The following ARL17A variants were observed in gnomAD, a reference collection of about 807,000 sequenced individuals.
ARL17A encodes the protein ARF like GTPase 17A, also known as ADP-ribosylation factor-like 17-like.
downstream of ARL17A, chr17:46,548,746 G>C (rs568551393): frequency 1.2e-6 from 2 of 1,610,722 alleles, no homozygotes; most frequent in African/African-American, 1.4e-5. Flanking sequence ...CGCTGCCGAA[G>C]AAAAAAGGCT....
chr17:46,502,721 TTTTTTG>T, the ARL17A span, among the ~76,000 whole-genome samples: 4 of 151,106 alleles, frequency 2.6e-5, 1 homozygote, highest in African/African-American at 7.4e-5. Context: ...CCTGTGAGGG[TTTTTTG>T]TTTTTGTTTT....
At position 46,553,233 on chromosome 17, in the gene ARL17A, GA is replaced by G. The variant is rs2056983950; in HGVS notation, c.*4122del. On this transcript the variant is annotated 3_prime_UTR_variant, in exon 4 of 4. Coordinates refer to ENST00000336125, the MANE Select transcript of ARL17A (RefSeq NM_001113738.2). The stretch of plus-strand genomic sequence containing the variant: ...CCCCCGCAAGATAGCAAGGATGACT[GA>G]ACTATGGAAGAATCAAAGCAGTGTT... The G allele has an allele frequency of 1.2e-6, 1 of 818,748 alleles. No homozygotes were observed. Among genetic ancestry groups the G allele is most frequent in the Non-Finnish European group, 1.5e-6 (1 of 689,066 alleles). The allele number at this position is 818,748 out of a possible 1,614,324, so 50.7% of individuals were successfully genotyped here. A position where few individuals can be genotyped will look rare whatever the true frequency, so the allele number is the denominator to read the frequency against.
chr17:46,539,149 T>C (rs1164550648), intron 3 of ARL17A, among the ~76,000 whole-genome samples: 5 of 68,588 alleles, frequency 7.3e-5, no homozygotes, highest in African/African-American at 2.4e-4. Context: ...AGGCGGAGAT[T>C]GCAGTGAGCC....
At chr17:46,532,873 G>A (rs1411064669) in intron 4 of ARL17A, among the ~76,000 whole-genome samples, 1 of 149,054 alleles carries the variant, frequency 6.7e-6, no homozygotes, top group Admixed American at 6.6e-5. Context: ...GGCTGCGGTG[G>A]GAGGATTGCT....
intron 3 of ARL17A, chr17:46,546,167 CCA>C (rs2056287296): frequency 1.4e-6 from 1 of 705,464 alleles, no homozygotes; most frequent in African/African-American, 1.8e-5. Flanking sequence ...CACCTTTTTC[CCA>C]CACCTGTGGT....
chr17:46,534,973 C>T (rs9889328), intron 4 of ARL17A, among the ~76,000 whole-genome samples: 72,810 of 143,098 alleles, frequency 0.51, 19,835 homozygotes, highest in South Asian at 0.71. Flanking sequence ...TCAGACGGGG[C>T]GGCCAGGCAG....
rs1257458591 is a variant in ARL17A, at chr17:46,529,685, A to G, written c.336-826T>C. 2.7e-4 allele frequency among the ~76,000 whole-genome samples: 20 copies of G among 73,378 alleles called. 6 individuals are homozygous for G. Among genetic ancestry groups the G allele is most frequent in the African/African-American group, 7.3e-4 (19 of 26,040 alleles). The allele number at this position is 73,378 out of a possible 152,430, so 48.1% of individuals were successfully genotyped here. ...AAAAGTGGAAACATAAATATAAATA[A>G]ATAAAAACACTCATATCATTTGGTT... On this transcript the variant is annotated intron_variant, in intron 4 of 4. Coordinates refer to the ARL17A transcript ENST00000329240.
Position 46,552,914 on chromosome 17 carries a change from G to A in ARL17A, c.*4442C>T, listed in dbSNP as rs1166174263. Among the ~76,000 whole-genome samples the A allele has an allele frequency of 2.1e-5, 3 of 145,680 alleles. No homozygotes were observed. The highest frequency in any genetic ancestry group is 8.1e-5 in the African/African-American group (3 of 36,982). On this transcript the variant is annotated 3_prime_UTR_variant, in exon 4 of 4. Transcript: ENST00000336125. ...AAAAATTAAAAAAAAAAATAGCCAGGTGTGGTAGTATGCACCTGTAGTCTC... is the reference window on the plus strand; with the variant it reads ...AAAAATTAAAAAAAAAAATAGCCAGATGTGGTAGTATGCACCTGTAGTCTC...
chr17:46,541,871 T>C (rs1359149822), intron 3 of ARL17A, among the ~76,000 whole-genome samples: 1 of 150,270 alleles, frequency 6.7e-6, no homozygotes, highest in East Asian at 1.9e-4. Flanking sequence ...CAGGGGGTCC[T>C]GGAGCCAATC....
chr17:46,539,768 CAAA>C (rs1204528686), intron 3 of ARL17A, among the ~76,000 whole-genome samples: 83 of 67,020 alleles, frequency 1.2e-3, no homozygotes, highest in Admixed American at 6.0e-3. Flanking sequence ...GACTCCATCT[CAAA>C]AAAAAAAAAA....
intron 4 of ARL17A, among the ~76,000 whole-genome samples, chr17:46,534,633 C>A (rs917518188): frequency 1.3e-5 from 2 of 148,588 alleles, no homozygotes; most frequent in South Asian, 4.2e-4. Flanking sequence ...ATTTCTGTAT[C>A]TTTTCCCCAC....
chr17:46,525,647 C>G (rs1237776181), downstream of ARL17A, among the ~76,000 whole-genome samples: 5 of 122,126 alleles, frequency 4.1e-5, no homozygotes, highest in African/African-American at 1.4e-4. Context: ...TCATCATCAT[C>G]TAGCCAGCTT....
At chr17:46,558,650 C>G (rs1287168276) in intron 3 of ARL17A, among the ~76,000 whole-genome samples, 1 of 128,794 alleles carries the variant, frequency 7.8e-6, no homozygotes, top group Non-Finnish European at 1.6e-5. Flanking sequence ...CTTGGCCTCC[C>G]AAAGTGCTGG....
At chr17:46,539,300 A>C in intron 3 of ARL17A, among the ~76,000 whole-genome samples, 1 of 116,472 alleles carries the variant, frequency 8.6e-6, no homozygotes, top group African/African-American at 3.3e-5. Context: ...GATTACATGC[A>C]ATGTAAGAAA....
downstream of ARL17A, among the ~76,000 whole-genome samples, chr17:46,551,174 A>G (rs1166543806): frequency 1.3e-5 from 2 of 149,412 alleles, no homozygotes; most frequent in Admixed American, 6.6e-5. Flanking sequence ...ATTCCCCCTC[A>G]GATTAGAGAT....
downstream of ARL17A, chr17:46,548,768 C>T (rs745567007): frequency 6.2e-6 from 10 of 1,611,274 alleles, no homozygotes; most frequent in Middle Eastern, 9.2e-4. Flanking sequence ...GGGAGTCCAG[C>T]CCCAAGGGAG....
In ARL17A at chr17:46,529,624, C is replaced by G. The variant is rs887698688; in HGVS notation, c.336-765G>C. Among the ~76,000 whole-genome samples, 4 of 73,930 alleles carry G rather than the reference C, an allele frequency of 5.4e-5. 1 individual carries two copies. Among genetic ancestry groups the G allele is most frequent in the African/African-American group, 7.7e-5 (2 of 25,874 alleles). 48.5% of individuals were successfully genotyped at this position (73,930 alleles called of 152,430 possible). On this transcript the variant is annotated intron_variant, in intron 4 of 4. Coordinates refer to the ARL17A transcript ENST00000329240. ...TGGAGTTCAAGTTCAGCCTGGGCAA[C>G]AAAGTGAGACCCCAATCTCTACAAA...
chr17:46,540,066 A>AT, intron 3 of ARL17A: 1 of 1,208,932 alleles, frequency 8.3e-7, no homozygotes, highest in South Asian at 1.4e-5. Flanking sequence ...GACAGGAAAC[A>AT]TTTTTTTCTT....
At chr17:46,502,427 A>G in the ARL17A span, among the ~76,000 whole-genome samples, 1 of 150,874 alleles carries the variant, frequency 6.6e-6, no homozygotes, top group Admixed American at 6.6e-5. Context: ...TCAGCCTCCC[A>G]AGTAGCTGGG....
Sources: allele counts gnomAD v4.1 joint callset (sites outside exome capture counted in the v4.1 genomes callset), GRCh38; gene constraint gnomAD v4.1.1; transcripts MANE v1.5; gene names NCBI Gene and HGNC (gene_info 2026-07-23, HGNC 2026-07-21).